Variants in TTN observed in about 807,000 individuals in gnomAD.
TTN encodes titin, also known as connectin.
TTN carries 1,525 observed loss-of-function variants against 3,223.0 expected under a neutral mutation model. The observed-to-expected ratio is 0.47, with a 90% CI of 0.45 to 0.49. The LOEUF (loss-of-function observed/expected upper bound fraction) is 0.49. Among genes scored for constraint, TTN ranks in the 20% least tolerant of loss-of-function variants. TTN has a pLI of 0.00. For missense variants in TTN, 40,786 were observed against 43,424.0 expected (o/e 0.94, Z 5.40); for synonymous variants, 14,094 against 15,161.0 (o/e 0.93, Z 5.17).
At position 178,573,030 on chromosome 2, in the gene TTN, C is replaced by G; in HGVS notation, c.73102G>C (p.Asp24368His). 1 of 1,613,106 alleles carries G rather than the reference C, an allele frequency of 6.2e-7. No individual in the cohort carries two copies. ...GGTGGAGTGACAATCTGCCATTCAT[C>G]TTCCTCTGGCAGGGCAATCTCAACC... ...YMVEIALPEE[D>H]EWQIVTPPAG... The change falls in exon 326 of 363, where the codon GAT becomes CAT. Residue 24368 changes from aspartate (D) to histidine (H), a missense_variant. Coordinates refer to ENST00000589042, the MANE Select transcript of TTN (RefSeq NM_001267550.2).
At chr2:178,765,817 G>A (rs1246034394) in intron 41 of TTN, among the ~76,000 whole-genome samples, 4 of 152,120 alleles carry the variant, frequency 2.6e-5, no homozygotes, top group African/African-American at 7.2e-5. Flanking sequence ...ACTTCCCTGG[G>A]GACTGCTCAG....
At position 178,553,249 on chromosome 2, in the gene TTN, G is replaced by A. The variant is rs1486750909; in HGVS notation, c.89651C>T (p.Ala29884Val). 1 of 1,613,028 alleles carries A rather than the reference G, an allele frequency of 6.2e-7. No individual in the cohort carries two copies. Among genetic ancestry groups the A allele is most frequent in the African/African-American group, 1.3e-5 (1 of 75,062 alleles). Residue 29884 changes from alanine to valine, a missense_variant, in exon 335 of 363, where the codon GCC becomes GTC. Transcript: ENST00000589042. Reference sequence around the variant, plus strand: ...ATCAGTGTTTTCAATGCTGTATCTGGCATCACTGCCAAGATTCTTCTCATC... The same window carrying A: ...ATCAGTGTTTTCAATGCTGTATCTGACATCACTGCCAAGATTCTTCTCATC... ...RKDEKNLGSD[A>V]RYSIENTDSS...
intron 41 of TTN, among the ~76,000 whole-genome samples, chr2:178,765,441 C>T (rs1415748599): frequency 6.6e-6 from 1 of 151,990 alleles, no homozygotes; most frequent in Non-Finnish European, 1.5e-5. Flanking sequence ...TTCATGGAAC[C>T]CAGAAATTAG....
In TTN at chr2:178,567,794, A is replaced by G; in HGVS notation, c.78338T>C (p.Val26113Ala). 6.2e-7 allele frequency: 1 copy of G among 1,613,438 alleles called. No individual in the cohort carries two copies. Among genetic ancestry groups the G allele is most frequent in the Non-Finnish European group, 8.5e-7 (1 of 1,179,556 alleles). The part of the protein sequence containing the change: ...NEITLQWTKP[V>A]YDGGSMITGY... ...TGTAATCATACTTCCACCATCATACACAGGTTTGGTCCACTGTAAAGTGAT... is the reference window on the plus strand; with the variant it reads ...TGTAATCATACTTCCACCATCATACGCAGGTTTGGTCCACTGTAAAGTGAT... Residue 26113 changes from valine to alanine, a missense_variant, in exon 326 of 363, where the codon GTG becomes GCG. Val to Ala is a moderately conservative substitution (Grantham distance 64). Transcript: ENST00000589042.
rs2047091681 is a variant in TTN, at chr2:178,579,044, G to C, written c.67986C>G (p.Thr22662=). 1 of 1,613,156 alleles carries C rather than the reference G, an allele frequency of 6.2e-7. No individual in the cohort carries two copies. The highest frequency in any genetic ancestry group is 8.5e-7 in the Non-Finnish European group (1 of 1,179,522). The change falls in exon 320 of 363, where the codon ACC becomes ACG. Residue 22662 remains threonine (T), a synonymous_variant. Transcript: ENST00000589042. ...KFDEVTAEAM[T]LKWAPPKDDG... ...CATCCTTTGGAGGAGCCCACTTTAA[G>C]GTCATGGCTTCTGCTGTGACTTCAT...
In TTN at chr2:178,771,445, C is replaced by T. The variant is rs1401260023; in HGVS notation, c.7882G>A (p.Asp2628Asn). ...TCCTGGGATTCAGCTACGGTCTGAT[C>T]TGTGAGTGGCTTGGAGATGGCCCCA... ...AGGAISKPLT[D>N]QTVAESQEAV... Residue 2628 changes from aspartate (D) to asparagine (N), a missense_variant, in exon 34 of 363, where the codon GAT becomes AAT. Physicochemically the swap from Asp to Asn is conservative, Grantham distance 23 (BLOSUM62 1). Transcript: ENST00000589042. 3 of 1,613,810 alleles carry T rather than the reference C, an allele frequency of 1.9e-6. No homozygotes were observed. Among genetic ancestry groups the T allele is most frequent in the Admixed American group, 1.7e-5 (1 of 59,986 alleles).
At position 178,776,679 on chromosome 2, in the gene TTN, T is replaced by A. The variant is rs752183514; in HGVS notation, c.5185A>T (p.Ile1729Phe). 1 of 1,614,146 alleles carries A rather than the reference T, an allele frequency of 6.2e-7. No individual in the cohort carries two copies. Among genetic ancestry groups the A allele is most frequent in the African/African-American group, 1.3e-5 (1 of 75,068 alleles). The change falls in exon 28 of 363, where the codon ATT becomes TTT. Residue 1729 changes from isoleucine to phenylalanine, a missense_variant. Physicochemically the swap from Ile to Phe is conservative, Grantham distance 21. Coordinates refer to ENST00000589042, the MANE Select transcript of TTN (RefSeq NM_001267550.2). ...PAHFECRLTP[I>F]GDPTMVVEWL... The stretch of plus-strand genomic sequence containing the variant: ...TCCACCACCATCGTTGGGTCACCAA[T>A]GGGTGTTAGCCTGCATTCAAAGTGG...
Position 178,583,635 on chromosome 2 carries a change from A to G in TTN, c.65547T>C (p.Ser21849=). 1 of 1,609,258 alleles carries G rather than the reference A, an allele frequency of 6.2e-7. No individual in the cohort carries two copies. Among genetic ancestry groups the G allele is most frequent in the Non-Finnish European group, 8.5e-7 (1 of 1,177,108 alleles). Reference sequence around the variant, plus strand: ...TTTCTGCGAGGATAGTCACTGGATCAGAAGGTTCAGAAGGTGGGCTAATGT... The same window carrying G: ...TTTCTGCGAGGATAGTCACTGGATCGGAAGGTTCAGAAGGTGGGCTAATGT... ...AVNISPPSEP[S]DPVTILAENV... The change falls in exon 312 of 363, where the codon TCT becomes TCC. Residue 21849 remains serine, a synonymous_variant. Coordinates refer to ENST00000589042, the MANE Select transcript of TTN (RefSeq NM_001267550.2).
chr2:178,612,602 T>C (rs1441540840), intron 265 of TTN, 26 bp from the exon 266 acceptor site: 1 of 1,564,820 alleles, frequency 6.4e-7, no homozygotes, highest in African/African-American at 1.6e-5. Flanking sequence ...GGAAAACAAA[T>C]TCATTTTTTT....
In TTN at chr2:178,738,012, T is replaced by C. The variant is rs1019772147; in HGVS notation, c.14371+70A>G. ...TGGTAATACAAGCATTTCCCACACA[T>C]GTACAGAAAGCAAAAAGGACAACAA... On this transcript the variant is annotated intron_variant, in intron 49 of 362. Transcript: ENST00000589042. The C allele has an allele frequency of 2.6e-6, 4 of 1,559,416 alleles. No homozygotes were observed. In the Admixed American group the frequency reaches 7.0e-5, roughly 27 times the overall value.
rs369880812 is a variant in TTN at position 178,557,686 on chromosome 2, T to C, written c.87668A>G (p.His29223Arg). Reference sequence around the variant, plus strand: ...GACAGTCACACAAGCTGAATCTATATGATCACTGATGCCAAAGCGGTTTTC... The same window carrying C: ...GACAGTCACACAAGCTGAATCTATACGATCACTGATGCCAAAGCGGTTTTC... ...KAENRFGISD[H>R]IDSACVTVKL... Residue 29223 changes from histidine to arginine, a missense_variant, in exon 328 of 363, where the codon CAT becomes CGT. Transcript: ENST00000589042. 9 of 1,613,982 alleles carry C rather than the reference T, an allele frequency of 5.6e-6. No individual in the cohort carries two copies. In the South Asian group the frequency reaches 9.9e-5, roughly 18 times the overall value.
At position 178,679,493 on chromosome 2, in the gene TTN, T is replaced by A. The variant is rs576235265; in HGVS notation, c.33665-77A>T. The A allele has an allele frequency of 1.0e-5, 16 of 1,590,488 alleles. No homozygotes were observed. The Admixed American group carries it at 2.7e-4, about 27-fold the overall frequency. On this transcript the variant is annotated intron_variant, in intron 141 of 362. Transcript: ENST00000589042. ...CATATAAAACACAGCTAATGTTTTT[T>A]AACAACGGACAGTGACACACACACA...
chr2:178,571,280 T>C lies in TTN; in HGVS notation c.74852A>G (p.Asn24951Ser). 3 of 1,613,504 alleles carry C rather than the reference T, an allele frequency of 1.9e-6. No homozygotes were observed. The highest frequency in any genetic ancestry group is 2.5e-6 in the Non-Finnish European group (3 of 1,179,624). ...IGYHLERKER[N>S]SILWVKLNKT... The stretch of plus-strand genomic sequence containing the variant: ...ATTCAACTTAACCCAGAGGATGCTA[T>C]TTCTTTCCTTGCGTTCTAGATGATA... The change falls in exon 326 of 363, where the codon AAT becomes AGT. Residue 24951 changes from asparagine to serine, a missense_variant. Transcript: ENST00000589042.
intron 106 of TTN, among the ~76,000 whole-genome samples, chr2:178,703,055 T>C (rs2075273986): frequency 6.6e-6 from 1 of 152,236 alleles, no homozygotes; most frequent in Non-Finnish European, 1.5e-5. Flanking sequence ...AAAATAATTT[T>C]TGCTATTCAG....
intron 340 of TTN, 40 bp from the exon 341 acceptor site, chr2:178,546,945 T>C: frequency 6.3e-7 from 1 of 1,578,744 alleles, no homozygotes; most frequent in Non-Finnish European, 8.6e-7. Context: ...TATACCACTC[T>C]GAGTTCTACT....
At position 178,557,427 on chromosome 2, in the gene TTN, T is replaced by G. The variant is rs763563905; in HGVS notation, c.87835A>C (p.Arg29279=). ...VVGYHLEMKD[R]NSILWQKANK... is the part of the protein sequence containing the mutation. Reference sequence around the variant, plus strand: ...GCTTTTTGCCATAAAATACTGTTTCTGTCTTTCATTTCCAGGTGATAGCCT... The same window carrying G: ...GCTTTTTGCCATAAAATACTGTTTCGGTCTTTCATTTCCAGGTGATAGCCT... Residue 29279 remains arginine (R), a synonymous_variant, in exon 329 of 363, where the codon AGA becomes CGA. Coordinates refer to ENST00000589042, the MANE Select transcript of TTN (RefSeq NM_001267550.2). 2 of 1,613,970 alleles carry G rather than the reference T, an allele frequency of 1.2e-6. No individual in the cohort carries two copies. The highest frequency in any genetic ancestry group is 1.7e-4 in the Middle Eastern group (1 of 6,060).
rs368765224 is a variant in TTN, at chr2:178,728,968, C to A, written c.19070G>T (p.Gly6357Val). 6.2e-7 allele frequency: 1 copy of A among 1,613,068 alleles called. No homozygotes were observed. The highest frequency in any genetic ancestry group is 2.2e-5 in the East Asian group (1 of 44,772). Residue 6357 changes from glycine (G) to valine (V), a missense_variant, in exon 65 of 363, where the codon GGA (glycine) becomes GTA (valine). Transcript: ENST00000589042. ...ATLQIRSVDNGHSGRYTCQAK... is the reference protein window; with the variant it reads ...ATLQIRSVDNVHSGRYTCQAK... ...TTGACAGGTATATCTCCCACTGTGTCCATTATCCACACTTCTGATTTGAAG... is the reference window on the plus strand; with the variant it reads ...TTGACAGGTATATCTCCCACTGTGTACATTATCCACACTTCTGATTTGAAG...
intron 144 of TTN, 43 bp downstream of exon 144, chr2:178,678,371 T>C: frequency 6.5e-7 from 1 of 1,538,722 alleles, no homozygotes; most frequent in East Asian, 2.4e-5. Flanking sequence ...TACATAGATG[T>C]GAGTTTTTTC....
intron 113 of TTN, among the ~76,000 whole-genome samples, chr2:178,696,731 T>C (rs1276859265): frequency 6.6e-6 from 1 of 152,120 alleles, no homozygotes; most frequent in African/African-American, 2.4e-5. Context: ...GTCAGTTTCA[T>C]AAAAACAACA....
Sources: allele counts gnomAD v4.1 joint callset (sites outside exome capture counted in the v4.1 genomes callset), GRCh38; gene constraint gnomAD v4.1.1; transcripts MANE v1.5; gene names NCBI Gene and HGNC (gene_info 2026-07-23, HGNC 2026-07-21).